YTHDC1: variants seen among roughly 807,000 people sequenced by gnomAD.
The protein encoded by YTHDC1 is YTH domain-containing protein 1.
Under a neutral mutation model 107.0 loss-of-function variants are expected in YTHDC1, and 12 were observed. That is an observed-to-expected ratio of 0.11 (90% CI 0.07 to 0.18). The LOEUF is 0.18. YTHDC1 is among the 10% of genes least tolerant of loss of function. The pLI is 1.00. For synonymous variants in YTHDC1, 280 were observed against 289.5 expected (o/e 0.97, Z 0.33); for missense variants, 635 against 898.8 (o/e 0.71, Z 3.75).
rs367820672 is a variant in YTHDC1, at chr4:68,332,768, A to G, written c.1027+26T>C. On this transcript the variant is annotated intron_variant, in intron 6 of 16. Coordinates refer to ENST00000344157, the MANE Select transcript of YTHDC1 (RefSeq NM_001031732.4). Reference sequence around the variant, plus strand: ...AATAATGACTATGCAGCATGCAATGAAAACAATTTCAAATTTAAATGATAC... The same window carrying G: ...AATAATGACTATGCAGCATGCAATGGAAACAATTTCAAATTTAAATGATAC... The G allele has an allele frequency of 5.6e-6, 9 of 1,607,810 alleles. No homozygotes were observed. The African/African-American group carries it at 1.1e-4, about 19-fold the overall frequency.
intron 1 of YTHDC1, among the ~76,000 whole-genome samples, chr4:68,346,078 C>CATATATATATATATATATATATAT (rs34633749): frequency 5.1e-4 from 68 of 132,652 alleles, no homozygotes; most frequent in African/African-American, 1.6e-3. Context: ...TGTGTGTGTA[C>CATATATATATATATATATATATAT]ATATATATAT....
intron 4 of YTHDC1, among the ~76,000 whole-genome samples, chr4:68,334,626 TC>T (rs532356428): frequency 2.0e-5 from 3 of 152,204 alleles, no homozygotes; most frequent in Non-Finnish European, 2.9e-5. Flanking sequence ...TTCTAATTTT[TC>T]CCCCATGGAT....
chr4:68,333,885 C>A (rs1025635189), intron 4 of YTHDC1, among the ~76,000 whole-genome samples: 1 of 152,076 alleles, frequency 6.6e-6, no homozygotes, highest in African/African-American at 2.4e-5. Flanking sequence ...AATATATATA[C>A]CATAATTAGT....
At position 68,314,236 on chromosome 4, in the gene YTHDC1, G is replaced by C; in HGVS notation, c.2047C>G (p.Arg683Gly). The C allele has an allele frequency of 6.2e-7, 1 of 1,613,626 alleles. No homozygotes were observed. Among genetic ancestry groups the C allele is most frequent in the East Asian group, 2.2e-5 (1 of 44,838 alleles). Residue 683 changes from arginine to glycine, a missense_variant, in exon 17 of 17, where the codon CGG (arginine) becomes GGG (glycine). Arg to Gly is a moderately radical substitution (Grantham distance 125, BLOSUM62 -2). This residue lies in a region of YTHDC1 where 256 missense variants were observed against 372.9 expected (regional missense o/e 0.69). Coordinates refer to ENST00000344157, the MANE Select transcript of YTHDC1 (RefSeq NM_001031732.4). ...GRRSRPRERD[R>G]ERERDRPRDN... is the part of the protein sequence containing the mutation. The stretch of plus-strand genomic sequence containing the variant: ...CTAGGGCGGTCTCGCTCTCGTTCCC[G>C]GTCTCTTTCACGGGGTCTACTTCTC...
intron 1 of YTHDC1, among the ~76,000 whole-genome samples, chr4:68,341,468 A>G (rs1174627588): frequency 6.6e-6 from 1 of 152,198 alleles, no homozygotes; most frequent in Non-Finnish European, 1.5e-5. Context: ...TAACATCAAT[A>G]AACTGTGTGG....
chr4:68,320,072 T>C (rs1722283123), intron 12 of YTHDC1, 51 bp downstream of exon 12: 1 of 1,498,650 alleles, frequency 6.7e-7, no homozygotes, highest in African/African-American at 1.4e-5. Context: ...ATTTTTTAAT[T>C]TTTTTCCAAT....
rs763074848 is a variant in YTHDC1 at position 68,329,886 on chromosome 4, G to C, written c.1349+116C>G. 358 of 707,432 alleles carry C rather than the reference G, an allele frequency of 5.1e-4. 1 individual carries two copies. The highest frequency in any genetic ancestry group is 8.3e-4 in the Non-Finnish European group (339 of 409,508). The allele number at this position is 707,432 out of a possible 1,614,324, so 43.8% of individuals were successfully genotyped here. A position where few individuals can be genotyped will look rare whatever the true frequency, so the allele number is the denominator to read the frequency against. On this transcript the variant is annotated intron_variant, in intron 9 of 16. Coordinates refer to ENST00000344157, the MANE Select transcript of YTHDC1 (RefSeq NM_001031732.4). Reference sequence around the variant, plus strand: ...TTTGTTGTGTCCCACATTAGATAAAGGTAGTTACTGAACAAGGTAAGATAA... The same window carrying C: ...TTTGTTGTGTCCCACATTAGATAAACGTAGTTACTGAACAAGGTAAGATAA...
chr4:68,349,509 T>C (rs576985263), intron 1 of YTHDC1, among the ~76,000 whole-genome samples: 86 of 151,614 alleles, frequency 5.7e-4, no homozygotes, highest in African/African-American at 2.0e-3. Context: ...AGAAAAACCC[T>C]ACTGAGATGA....
intron 7 of YTHDC1, 92 bp downstream of exon 7, chr4:68,332,011 A>T: frequency 1.4e-6 from 1 of 719,426 alleles, no homozygotes; most frequent in Middle Eastern, 4.2e-4. Flanking sequence ...AATGAAAATC[A>T]TAATACCTAT....
At chr4:68,315,412 C>T (rs1273876640) in intron 16 of YTHDC1, among the ~76,000 whole-genome samples, 2 of 152,178 alleles carry the variant, frequency 1.3e-5, no homozygotes, top group African/African-American at 4.8e-5. Context: ...GCCCACTCTT[C>T]ATCTTAAGTG....
chr4:68,329,978 T>C (rs1468814608), intron 9 of YTHDC1, 24 bp downstream of exon 9: 7 of 1,541,338 alleles, frequency 4.5e-6, no homozygotes, highest in African/African-American at 1.4e-5. Context: ...ATTTCAGTTA[T>C]CTATACTGAA....
intron 10 of YTHDC1, among the ~76,000 whole-genome samples, 175 bp from the exon 11 acceptor site, chr4:68,323,090 T>C (rs1722609925): frequency 6.6e-6 from 1 of 152,218 alleles, no homozygotes; most frequent in African/African-American, 2.4e-5. Context: ...GTGTTTTGTG[T>C]ATTTATATAA....
chr4:68,312,520 CT>C lies in YTHDC1; in HGVS notation c.*1578del, dbSNP rs1216906846. On this transcript the variant is annotated 3_prime_UTR_variant, in exon 17 of 17. Transcript: ENST00000344157. ...TAGAACCCAGGTTTCCTTAAAAGTA[CT>C]TTTTCCTCTCTACCACAATGCAGAT... 1 of 152,182 alleles carries C rather than the reference CT, an allele frequency of 6.6e-6. No individual in the cohort carries two copies. The highest frequency in any genetic ancestry group is 6.5e-5 in the Admixed American group (1 of 15,286). 9.4% of individuals were successfully genotyped at this position (152,182 alleles called of 1,614,324 possible). A position where few individuals can be genotyped will look rare whatever the true frequency, so the allele number is the denominator to read the frequency against.
rs570303231 is a variant in YTHDC1 at position 68,318,506 on chromosome 4, GAAT to G, written c.1824+10_1824+12del. ...TTAAGTTATGTAACTTATAAAAATA[GAAT>G]AATACAAACCATTCCTTGCCAAGGT... On this transcript the variant is annotated intron_variant, in intron 15 of 16. Transcript: ENST00000344157. The G allele has an allele frequency of 5.5e-4, 885 of 1,596,700 alleles. 3 individuals carry two copies. The African/African-American group carries it at 0.011, about 19-fold the overall frequency.
At chr4:68,320,965 T>C (rs1456956979) in intron 11 of YTHDC1, among the ~76,000 whole-genome samples, 3 of 152,134 alleles carry the variant, frequency 2.0e-5, no homozygotes, top group Admixed American at 6.5e-5. Flanking sequence ...ACAGAGTTCA[T>C]AAAACTAATT....
At chr4:68,316,617 C>T (rs58108365) in intron 15 of YTHDC1, among the ~76,000 whole-genome samples, 169 bp from the exon 16 acceptor site, 33,247 of 152,090 alleles carry the variant, frequency 0.22, 4,353 homozygotes, top group East Asian at 0.55. Flanking sequence ...GAAAATTACA[C>T]ATCTTCTAAG....
Position 68,349,892 on chromosome 4 carries a change from ACACT to A in YTHDC1, c.-143_-140del, listed in dbSNP as rs900531318. 51 of 1,133,308 alleles carry A rather than the reference ACACT, an allele frequency of 4.5e-5. 1 individual carries two copies. Among genetic ancestry groups the A allele is most frequent in the Admixed American group, 1.8e-4 (9 of 50,382 alleles). The allele number at this position is 1,133,308 out of a possible 1,614,324, so 70.2% of individuals were successfully genotyped here. A position where few individuals can be genotyped will look rare whatever the true frequency, so the allele number is the denominator to read the frequency against. On this transcript the variant is annotated 5_prime_UTR_variant, in exon 1 of 17. Transcript: ENST00000344157. ...TACGCGCGTCGCACTTGGCCTCTTAACACTCAGCCTTCTCGACTCTTCCCGCTTT... is the reference window on the plus strand; with the variant it reads ...TACGCGCGTCGCACTTGGCCTCTTAACAGCCTTCTCGACTCTTCCCGCTTT...
intron 7 of YTHDC1, among the ~76,000 whole-genome samples, chr4:68,331,626 G>A (rs1269927432): frequency 6.6e-6 from 1 of 151,924 alleles, no homozygotes; most frequent in Non-Finnish European, 1.5e-5. Flanking sequence ...AGTCTGGAGT[G>A]GATCTTTAAG....
At chr4:68,332,034 A>G in intron 7 of YTHDC1, 69 bp downstream of exon 7, 1 of 979,828 alleles carries the variant, frequency 1.0e-6, no homozygotes. Flanking sequence ...TACTTGATAT[A>G]ATACAAGTCT....
Sources: gnomAD v4.1 joint callset for allele counts (sites outside exome capture counted in the v4.1 genomes callset) on GRCh38, gnomAD v4.1.1 for gene constraint, gnomAD v4.1.1 regional missense constraint, MANE v1.5 for transcripts, NCBI Gene and HGNC (gene_info 2026-07-23, HGNC 2026-07-21) for gene names.